The following RASGEF1B variants were observed in gnomAD, a reference collection of about 807,000 sequenced individuals.
RASGEF1B encodes the protein RasGEF domain family member 1B.
RASGEF1B carries 30 observed loss-of-function variants against 65.7 expected under a neutral mutation model. The ratio of observed to expected loss-of-function variants is 0.46; its 90% CI spans 0.34 to 0.62. The LOEUF (loss-of-function observed/expected upper bound fraction) is 0.62. RASGEF1B is among the 20% of genes least tolerant of loss of function. The pLI is 0.01. For synonymous variants in RASGEF1B, 175 were observed against 194.8 expected, an observed-to-expected ratio of 0.90 and a Z score of 0.85; for missense variants, 495 against 580.1, an observed-to-expected ratio of 0.85 and a Z score of 1.51.
intron 10 of RASGEF1B, among the ~76,000 whole-genome samples, chr4:81,440,021 T>C (rs554859562): frequency 2.2e-4 from 33 of 152,330 alleles, no homozygotes; most frequent in Non-Finnish European, 4.0e-4. Flanking sequence ...TGGGAAGCCA[T>C]GAAATGTTTT....
intron 9 of RASGEF1B, 86 bp from the exon 10 acceptor site, chr4:81,441,015 T>C (rs1721815433): frequency 1.1e-5 from 10 of 873,814 alleles, no homozygotes; most frequent in South Asian, 1.1e-4. Flanking sequence ...TTTAGCTATA[T>C]ACAAAATTCA....
intron 11 of RASGEF1B, 142 bp downstream of exon 11, chr4:81,434,497 T>A: frequency 1.5e-6 from 1 of 679,528 alleles, no homozygotes; most frequent in South Asian, 1.6e-5. Flanking sequence ...GTATTGTTAA[T>A]TTCTAACAAA....
intron 1 of RASGEF1B, among the ~76,000 whole-genome samples, chr4:81,467,819 A>AT (rs1384148014): frequency 6.6e-6 from 1 of 152,182 alleles, no homozygotes; most frequent in African/African-American, 2.4e-5. Context: ...TGAGAATTAA[A>AT]TATTTCATTT....
chr4:81,444,786 T>A lies in RASGEF1B; in HGVS notation c.928+740A>T, dbSNP rs981140389. The stretch of plus-strand genomic sequence containing the variant: ...TCCTGACTTTGTGATCCACCCGCCT[T>A]GCCTCCCAAAGTGCTGGGATTACAG... On this transcript the variant is annotated intron_variant, in intron 8 of 13. Coordinates refer to ENST00000264400, the MANE Select transcript of RASGEF1B (RefSeq NM_152545.3). Among the ~76,000 whole-genome samples, 5 of 152,178 alleles carry A rather than the reference T, an allele frequency of 3.3e-5. No individual in the cohort carries two copies. In the South Asian group the frequency reaches 1.0e-3, roughly 32 times the overall value.
chr4:81,443,541 CTT>C (rs749301270), intron 8 of RASGEF1B, among the ~76,000 whole-genome samples: 4 of 152,176 alleles, frequency 2.6e-5, no homozygotes, highest in Non-Finnish European at 4.4e-5. Flanking sequence ...TGTATCCACT[CTT>C]GTGTCTGTCT....
At position 81,426,928 on chromosome 4, in the gene RASGEF1B, T is replaced by C. The variant is rs999741846; in HGVS notation, c.*840A>G. 7.4e-6 allele frequency: 1 copy of C among 135,914 alleles called. No individual in the cohort carries two copies. The highest frequency in any genetic ancestry group is 2.9e-5 in the African/African-American group (1 of 34,670). The allele number at this position is 135,914 out of a possible 1,614,324, so 8.4% of individuals were successfully genotyped here. A position where few individuals can be genotyped will look rare whatever the true frequency, so the allele number is the denominator to read the frequency against. On this transcript the variant is annotated 3_prime_UTR_variant, in exon 14 of 14. Coordinates refer to ENST00000264400, the MANE Select transcript of RASGEF1B (RefSeq NM_152545.3). Reference sequence around the variant, plus strand: ...TGGAAAACTAAGTAACAAAAAGCTATTGAAAAATACATCTGTGGAACACAG... The same window carrying C: ...TGGAAAACTAAGTAACAAAAAGCTACTGAAAAATACATCTGTGGAACACAG...
At chr4:81,467,077 A>C (rs1466389773) in intron 1 of RASGEF1B, among the ~76,000 whole-genome samples, 2 of 152,160 alleles carry the variant, frequency 1.3e-5, no homozygotes, top group Non-Finnish European at 2.9e-5. Flanking sequence ...ACCTTCTTTG[A>C]AAGTGAGTCC....
At chr4:81,451,749 A>G (rs1023571627) in intron 4 of RASGEF1B, 2 of 152,222 alleles carry the variant, frequency 1.3e-5, no homozygotes, top group Non-Finnish European at 2.9e-5. Flanking sequence ...AGTTCTTTTC[A>G]CTTAAAAAAG....
At chr4:81,446,878 C>A (rs565173643) in intron 6 of RASGEF1B, among the ~76,000 whole-genome samples, 1 of 152,242 alleles carries the variant, frequency 6.6e-6, no homozygotes, top group Non-Finnish European at 1.5e-5. Context: ...GTTGCCCCCA[C>A]TCTCAGAAGG....
In RASGEF1B at chr4:81,445,804, A is replaced by G; in HGVS notation, c.764T>C (p.Leu255Ser). 3 of 1,614,138 alleles carry G rather than the reference A, an allele frequency of 1.9e-6. No individual in the cohort carries two copies. The highest frequency in any genetic ancestry group is 2.5e-6 in the Non-Finnish European group (3 of 1,179,976). ...CYSERKKTRN[L>S]EAYVEWFNRL... Reference sequence around the variant, plus strand: ...ATTAAACCATTCCACGTAAGCTTCTAAGTTTCGTGTTTTCTTCCGTTCACT... The same window carrying G: ...ATTAAACCATTCCACGTAAGCTTCTGAGTTTCGTGTTTTCTTCCGTTCACT... Residue 255 changes from leucine (L) to serine (S), a missense_variant, in exon 7 of 14, where the codon TTA becomes TCA. Coordinates refer to ENST00000264400, the MANE Select transcript of RASGEF1B (RefSeq NM_152545.3).
chr4:81,448,698 T>C (rs1426499395), intron 4 of RASGEF1B, among the ~76,000 whole-genome samples: 1 of 152,208 alleles, frequency 6.6e-6, no homozygotes, highest in African/African-American at 2.4e-5. Flanking sequence ...CTAAGGCTTT[T>C]TCTTTAGGGC....
At chr4:81,457,711 C>T in intron 2 of RASGEF1B, 90 bp from the exon 3 acceptor site, 5 of 1,442,150 alleles carry the variant, frequency 3.5e-6, no homozygotes, top group Non-Finnish European at 4.7e-6. Context: ...TTAAGTTCTC[C>T]TGATCAAGTT....
intron 4 of RASGEF1B, among the ~76,000 whole-genome samples, chr4:81,449,641 C>T (rs1226733241): frequency 1.3e-5 from 2 of 152,096 alleles, no homozygotes; most frequent in Non-Finnish European, 2.9e-5. Context: ...TGTAGAAAGG[C>T]CTATGTTTAT....
In RASGEF1B at chr4:81,445,767, G is replaced by A. The variant is rs1722000563; in HGVS notation, c.801C>T (p.Tyr267=). The change falls in exon 7 of 14, where the codon TAC becomes TAT. Residue 267 remains tyrosine, a synonymous_variant. Coordinates refer to ENST00000264400, the MANE Select transcript of RASGEF1B (RefSeq NM_152545.3). ...AYVEWFNRLS[Y]LVATEICMPV... is the part of the protein sequence containing the mutation. Reference sequence around the variant, plus strand: ...CCATACAGATTTCTGTAGCAACCAAGTAGCTGAGGCGATTAAACCATTCCA... The same window carrying A: ...CCATACAGATTTCTGTAGCAACCAAATAGCTGAGGCGATTAAACCATTCCA... 6.2e-7 allele frequency: 1 copy of A among 1,613,962 alleles called. No homozygotes were observed. Among genetic ancestry groups the A allele is most frequent in the African/African-American group, 1.3e-5 (1 of 75,034 alleles).
intron 1 of RASGEF1B, among the ~76,000 whole-genome samples, chr4:81,467,074 T>A (rs1288113881): frequency 1.3e-5 from 2 of 152,104 alleles, no homozygotes. Context: ...AGTACCTTCT[T>A]TGAAAGTGAG....
chr4:81,443,722 T>A (rs1280091181), intron 8 of RASGEF1B, among the ~76,000 whole-genome samples: 1 of 152,262 alleles, frequency 6.6e-6, no homozygotes, highest in African/African-American at 2.4e-5. Context: ...CAATTATGAA[T>A]AAAGCTGTGT....
intron 1 of RASGEF1B, 39 bp from the exon 2 acceptor site, chr4:81,459,553 AT>A: frequency 7.0e-7 from 1 of 1,435,106 alleles, no homozygotes; most frequent in Non-Finnish European, 9.4e-7. Flanking sequence ...AATGTCAGCA[AT>A]ATGCAGTATG....
At chr4:81,453,630 G>A (rs1182722807) in intron 4 of RASGEF1B, 1 of 152,176 alleles carries the variant, frequency 6.6e-6, no homozygotes, top group Non-Finnish European at 1.5e-5. Flanking sequence ...TGCTAAGAAT[G>A]ACTATGAAGG....
intron 2 of RASGEF1B, 73 bp downstream of exon 2, chr4:81,459,259 A>G (rs1317575581): frequency 1.8e-6 from 2 of 1,121,238 alleles, no homozygotes; most frequent in Admixed American, 5.4e-5. Flanking sequence ...TGTATTATCT[A>G]TGGTCCCTGC....
Sources: allele counts gnomAD v4.1 joint callset (sites outside exome capture counted in the v4.1 genomes callset), GRCh38; gene constraint gnomAD v4.1.1; transcripts MANE v1.5; gene names NCBI Gene and HGNC (gene_info 2026-07-23, HGNC 2026-07-21).